The following PLS1 variants were observed in gnomAD, a reference collection of about 807,000 sequenced individuals.
PLS1 encodes plastin 1, also known as plastin-1.
Under a neutral mutation model 73.7 loss-of-function variants are expected in PLS1, and 32 were observed. The observed-to-expected ratio is 0.43, with a 90% confidence interval of 0.33 to 0.58. PLS1 has a LOEUF of 0.58. Ranked by LOEUF, PLS1 falls within the 20% of genes least tolerant of loss-of-function variation. The pLI is 0.04. For synonymous variants in PLS1, 217 were observed against 261.3 expected (o/e 0.83, Z 1.63); for missense variants, 633 against 740.5 (o/e 0.85, Z 1.68).
chr3:142,610,540 T>A (rs2036103066), intron 1 of PLS1, among the ~76,000 whole-genome samples: 1 of 152,170 alleles, frequency 6.6e-6, no homozygotes, highest in Admixed American at 6.5e-5. Context: ...TTAATATAAT[T>A]TTTTCCCAAA....
chr3:142,703,822 A>G (rs756113907), intron 12 of PLS1, 46 bp from the exon 13 acceptor site: 5 of 1,350,540 alleles, frequency 3.7e-6, no homozygotes, highest in Non-Finnish European at 5.3e-6. Context: ...TTCTGGAGAT[A>G]TGTTTTTAAA....
At chr3:142,649,475 A>G (rs1269470726) in intron 1 of PLS1, among the ~76,000 whole-genome samples, 1 of 151,906 alleles carries the variant, frequency 6.6e-6, no homozygotes, top group East Asian at 1.9e-4. Context: ...CATCTCTACT[A>G]AAAATACAAA....
chr3:142,677,699 A>C (rs1263733669), intron 5 of PLS1, among the ~76,000 whole-genome samples: 1 of 152,076 alleles, frequency 6.6e-6, no homozygotes, highest in Non-Finnish European at 1.5e-5. Flanking sequence ...TGCTTAGATT[A>C]CTATTGCAGT....
chr3:142,672,849 T>C (rs1382995116), intron 4 of PLS1, among the ~76,000 whole-genome samples: 1 of 152,194 alleles, frequency 6.6e-6, no homozygotes. Flanking sequence ...GTTGTGCAAT[T>C]GTCATCACTA....
At chr3:142,614,380 A>T (rs2036177460) in intron 1 of PLS1, among the ~76,000 whole-genome samples, 1 of 152,202 alleles carries the variant, frequency 6.6e-6, no homozygotes, top group Non-Finnish European at 1.5e-5. Context: ...GGAAGAAGGC[A>T]GTGAAAGAAT....
In PLS1 at chr3:142,703,964, A is replaced by G. The variant is rs1367650939; in HGVS notation, c.1468A>G (p.Thr490Ala). 3 of 1,614,024 alleles carry G rather than the reference A, an allele frequency of 1.9e-6. No individual in the cohort carries two copies. Among genetic ancestry groups the G allele is most frequent in the Admixed American group, 3.3e-5 (2 of 60,020 alleles). ...GCAGGACCTAAATGAAGGGAATTCA[A>G]CACTTACCCTGGCATTGGTATGGCA... ...AGQDLNEGNS[T>A]LTLALVWQLM... Residue 490 changes from threonine to alanine, a missense_variant, in exon 13 of 16, where the codon ACA becomes GCA. By Grantham distance (58) the Thr-to-Ala change is moderately conservative (BLOSUM62 0). Transcript: ENST00000457734.
chr3:142,671,314 A>G (rs1395543358), intron 4 of PLS1, among the ~76,000 whole-genome samples, 192 bp downstream of exon 4: 1 of 152,250 alleles, frequency 6.6e-6, no homozygotes, highest in African/African-American at 2.4e-5. Flanking sequence ...CACAGATGTC[A>G]AAATGAAAAA....
Position 142,664,286 on chromosome 3 carries a change from C to T in PLS1, c.49C>T (p.Gln17Ter). 1.3e-6 allele frequency: 2 copies of T among 1,581,918 alleles called. No individual in the cohort carries two copies. Among genetic ancestry groups the T allele is most frequent in the Non-Finnish European group, 1.7e-6 (2 of 1,154,028 alleles). ...TTCTCGGGAGGAGCTTGAAGAACTA[C>T]AAGAGGCATTTAATAAAATAGGTAT... Reference protein sequence around the residue: ...TISREELEELQEAFNKIDIDN... With the variant: ...TISREELEEL The change falls in exon 2 of 16, where the codon CAA becomes TAA. Residue 17 changes from glutamine to a stop codon, truncating the protein, a stop_gained. Coordinates refer to ENST00000457734, the MANE Select transcript of PLS1 (RefSeq NM_001145319.2). LOFTEE classifies it high-confidence loss of function.
intron 10 of PLS1, among the ~76,000 whole-genome samples, chr3:142,690,474 GA>G (rs2107912173): frequency 6.6e-6 from 1 of 152,144 alleles, no homozygotes; most frequent in South Asian, 2.1e-4. Flanking sequence ...CCCATAGAAT[GA>G]AACACAAATA....
intron 4 of PLS1, among the ~76,000 whole-genome samples, chr3:142,671,787 C>T (rs1251535179): frequency 6.6e-6 from 1 of 152,150 alleles, no homozygotes; most frequent in Non-Finnish European, 1.5e-5. Context: ...GCTTTTTGGC[C>T]TTTTGACAAA....
At chr3:142,643,202 G>A (rs1479036431) in intron 1 of PLS1, among the ~76,000 whole-genome samples, 3 of 152,184 alleles carry the variant, frequency 2.0e-5, no homozygotes, top group Non-Finnish European at 4.4e-5. Context: ...AGGGGAGACT[G>A]GAGCCCAGAA....
chr3:142,627,461 G>T (rs887684788), intron 1 of PLS1, among the ~76,000 whole-genome samples: 1 of 152,022 alleles, frequency 6.6e-6, no homozygotes, highest in African/African-American at 2.4e-5. Context: ...ACTCTTCAAG[G>T]CCCATCCAGT....
intron 12 of PLS1, among the ~76,000 whole-genome samples, chr3:142,699,965 C>A (rs1298537480): frequency 2.0e-5 from 3 of 152,082 alleles, no homozygotes; most frequent in African/African-American, 4.8e-5. Context: ...AATTTATTGA[C>A]TAATTTCATG....
chr3:142,621,849 G>A (rs896652388), intron 1 of PLS1, among the ~76,000 whole-genome samples: 9 of 152,178 alleles, frequency 5.9e-5, no homozygotes, highest in African/African-American at 2.2e-4. Context: ...TTTTAGTCAA[G>A]AGGTTAGCAG....
intron 14 of PLS1, 52 bp from the exon 15 acceptor site, chr3:142,711,449 G>T (rs1018212276): frequency 4.0e-5 from 55 of 1,358,336 alleles, no homozygotes; most frequent in Non-Finnish European, 5.4e-5. Context: ...TGAAAATAAT[G>T]AAAATTAAAG....
intron 1 of PLS1, among the ~76,000 whole-genome samples, chr3:142,606,025 A>G (rs1220186173): frequency 6.6e-6 from 1 of 152,258 alleles, no homozygotes; most frequent in East Asian, 1.9e-4. Flanking sequence ...TACCACTAGG[A>G]CAATAAATAA....
intron 1 of PLS1, among the ~76,000 whole-genome samples, chr3:142,641,255 CTA>C (rs1013286766): frequency 4.2e-5 from 6 of 142,664 alleles, no homozygotes; most frequent in Non-Finnish European, 9.1e-5. Context: ...ATATATCTCT[CTA>C]TATATTATAT....
At chr3:142,617,206 C>T (rs1431176964) in intron 1 of PLS1, among the ~76,000 whole-genome samples, 3 of 151,714 alleles carry the variant, frequency 2.0e-5, no homozygotes, top group Non-Finnish European at 4.4e-5. Flanking sequence ...ATTATGCCCC[C>T]TTGGGTACAT....
chr3:142,639,857 C>A (rs2036790864), intron 1 of PLS1, among the ~76,000 whole-genome samples: 1 of 152,054 alleles, frequency 6.6e-6, no homozygotes, highest in East Asian at 1.9e-4. Flanking sequence ...TTTTCTATAT[C>A]CCCTATGATG....
Sources: gnomAD v4.1 joint callset for allele counts (sites outside exome capture counted in the v4.1 genomes callset) on GRCh38, gnomAD v4.1.1 for gene constraint, MANE v1.5 for transcripts, NCBI Gene and HGNC (gene_info 2026-07-23, HGNC 2026-07-21) for gene names.